Variants in TBL1X observed in about 807,000 individuals in gnomAD.
TBL1X encodes F-box-like/WD repeat-containing protein TBL1X.
A neutral mutation model predicts 50.7 loss-of-function variants in TBL1X; 10 were observed. The observed-to-expected ratio is 0.20, with a 90% CI of 0.12 to 0.33. The LOEUF (loss-of-function observed/expected upper bound fraction) is 0.33. Among genes scored for constraint, TBL1X ranks in the 10% least tolerant of loss-of-function variants. TBL1X has a pLI of 1.00. For synonymous variants in TBL1X, 190 were observed against 214.7 expected (o/e 0.88, Z 1.01); for missense variants, 340 against 504.4 (o/e 0.67, Z 3.12).
rs141867080 is a variant in TBL1X at position 9,557,194 on chromosome X, G to A, written c.-131+55345G>A. Among the ~76,000 whole-genome samples, 762 of 111,878 alleles carry A rather than the reference G, an allele frequency of 6.8e-3. 4 individuals carry two copies. Among genetic ancestry groups the A allele is most frequent in the Non-Finnish European group, 0.012 (623 of 53,243 alleles). ...TCCTGTAGGATTTATTCTTGGAAAC[G>A]GCGTTAACCCCAACGCCCTACTTTG... On this transcript the variant is annotated intron_variant, in intron 2 of 17. Transcript: ENST00000645353.
chrX:9,573,830 A>G (rs1399486205), intron 2 of TBL1X, among the ~76,000 whole-genome samples: 1 of 112,960 alleles, frequency 8.9e-6, no homozygotes, highest in Non-Finnish European at 1.9e-5. Flanking sequence ...CTGTGTCCCA[A>G]GCATGCTTTA....
intron 2 of TBL1X, among the ~76,000 whole-genome samples, chrX:9,545,803 A>G (rs1025205577): frequency 9.0e-6 from 1 of 110,966 alleles, no homozygotes; most frequent in African/African-American, 3.3e-5. Context: ...TGTCACATGT[A>G]AATTTCTCCA....
At chrX:9,558,498 C>T (rs1367633899) in intron 2 of TBL1X, among the ~76,000 whole-genome samples, 19 of 102,671 alleles carry the variant, frequency 1.9e-4, no homozygotes, top group African/African-American at 5.8e-4. Context: ...GCCTGGGCAA[C>T]AAGAGCGAAA....
At chrX:9,497,758 C>G (rs2081978626) in intron 1 of TBL1X, among the ~76,000 whole-genome samples, 1 of 82,363 alleles carries the variant, frequency 1.2e-5, no homozygotes, top group African/African-American at 4.9e-5. Flanking sequence ...CCCTCCCTCC[C>G]TCCCTCCCTC....
chrX:9,596,543 G>T (rs775938951), intron 2 of TBL1X, among the ~76,000 whole-genome samples: 1 of 110,877 alleles, frequency 9.0e-6, no homozygotes, highest in Admixed American at 9.6e-5. Context: ...ACAATGCAGC[G>T]GTCACCGATA....
In TBL1X at chrX:9,524,293, G is replaced by A. The variant is rs1022519754; in HGVS notation, c.-131+22444G>A. Reference sequence around the variant, plus strand: ...TATTTTAACCATTTTTAAGTGTACAGTTCAGTAACAGCAAGTACATTCATA... The same window carrying A: ...TATTTTAACCATTTTTAAGTGTACAATTCAGTAACAGCAAGTACATTCATA... On this transcript the variant is annotated intron_variant, in intron 2 of 17. Coordinates refer to ENST00000645353, the MANE Select transcript of TBL1X (RefSeq NM_005647.4). 4.5e-5 allele frequency among the ~76,000 whole-genome samples: 5 copies of A among 111,767 alleles called. No homozygotes were observed. In the South Asian group the frequency reaches 1.9e-3, roughly 42 times the overall value.
At chrX:9,692,447 G>C (rs947587909) in intron 9 of TBL1X, among the ~76,000 whole-genome samples, 193 bp downstream of exon 9, 1 of 111,914 alleles carries the variant, frequency 8.9e-6, no homozygotes, top group East Asian at 2.8e-4. Context: ...TTGCTCTGTT[G>C]CCCAGGCTGG....
chrX:9,504,268 A>T (rs2082015594), intron 2 of TBL1X, among the ~76,000 whole-genome samples: 1 of 111,904 alleles, frequency 8.9e-6, no homozygotes, highest in African/African-American at 3.3e-5. Context: ...CAACAATCAA[A>T]TAAAAGGTCC....
chrX:9,635,970 T>C (rs996794456), intron 2 of TBL1X, among the ~76,000 whole-genome samples: 1 of 112,272 alleles, frequency 8.9e-6, no homozygotes, highest in African/African-American at 3.2e-5. Flanking sequence ...AGCATAGTAT[T>C]CAGCCATAAA....
At chrX:9,509,082 T>G (rs762597008) in intron 2 of TBL1X, among the ~76,000 whole-genome samples, 7 of 20,300 alleles carry the variant, frequency 3.4e-4, no homozygotes, top group Admixed American at 6.7e-4. Flanking sequence ...GTTTTTTTTG[T>G]TTTTTTTTTG....
At chrX:9,468,191 G>C (rs2081789558) in intron 1 of TBL1X, among the ~76,000 whole-genome samples, 1 of 112,217 alleles carries the variant, frequency 8.9e-6, no homozygotes, top group South Asian at 3.7e-4. Flanking sequence ...GATGGGATCA[G>C]AGAGATTTGA....
intron 5 of TBL1X, among the ~76,000 whole-genome samples, chrX:9,676,896 C>T (rs745703371): frequency 8.9e-6 from 1 of 111,949 alleles, no homozygotes; most frequent in Non-Finnish European, 1.9e-5. Context: ...AGAACTGCTT[C>T]TTGGGCAGAA....
intron 2 of TBL1X, among the ~76,000 whole-genome samples, chrX:9,543,265 T>G (rs911885331): frequency 9.0e-6 from 1 of 111,541 alleles, no homozygotes; most frequent in African/African-American, 3.3e-5. Flanking sequence ...GAGTGTGTTG[T>G]GGGTAAGTCT....
Position 9,473,059 on chromosome X carries a change from A to G in TBL1X, c.-201+7612A>G, listed in dbSNP as rs182707182. On this transcript the variant is annotated intron_variant, in intron 1 of 17. Coordinates refer to ENST00000645353, the MANE Select transcript of TBL1X (RefSeq NM_005647.4). The stretch of plus-strand genomic sequence containing the variant: ...AGTTGTCACTGTTACCTTGTCATCT[A>G]TGTGAAGATGAGAAATGAAGTTGAG... Among the ~76,000 whole-genome samples the G allele has an allele frequency of 9.9e-4, 111 of 111,714 alleles. 1 individual carries two copies. The East Asian group carries it at 0.023, about 24-fold the overall frequency.
intron 3 of TBL1X, among the ~76,000 whole-genome samples, chrX:9,643,325 T>C (rs897963472): frequency 9.0e-6 from 1 of 111,258 alleles, no homozygotes; most frequent in Non-Finnish European, 1.9e-5. Context: ...GTGAGGAGAT[T>C]GAGGAGTCCT....
intron 17 of TBL1X, among the ~76,000 whole-genome samples, chrX:9,715,319 A>G (rs957792545): frequency 8.9e-6 from 1 of 112,182 alleles, no homozygotes; most frequent in Non-Finnish European, 1.9e-5. Context: ...GTGTCGCTTA[A>G]TGACGGGAAC....
At chrX:9,665,416 C>T (rs1385486683) in intron 5 of TBL1X, among the ~76,000 whole-genome samples, 1 of 90,457 alleles carries the variant, frequency 1.1e-5, no homozygotes, top group Non-Finnish European at 2.1e-5. Flanking sequence ...TCCATCTTGT[C>T]TCTAGCTTCA....
chrX:9,565,042 G>A (rs765406333), intron 2 of TBL1X, among the ~76,000 whole-genome samples: 4 of 110,112 alleles, frequency 3.6e-5, no homozygotes, highest in East Asian at 5.7e-4. Context: ...AGGCCGAGGC[G>A]GGCGGGTCAC....
At chrX:9,546,271 T>C (rs1381298838) in intron 2 of TBL1X, among the ~76,000 whole-genome samples, 1 of 112,158 alleles carries the variant, frequency 8.9e-6, no homozygotes, top group Non-Finnish European at 1.9e-5. Flanking sequence ...ACCAACACTT[T>C]GGGAGGCCGA....
Sources: allele counts gnomAD v4.1 joint callset (sites outside exome capture counted in the v4.1 genomes callset), GRCh38; gene constraint gnomAD v4.1.1; transcripts MANE v1.5; gene names NCBI Gene and HGNC (gene_info 2026-07-23, HGNC 2026-07-21).